SPON1: variants seen among roughly 807,000 people sequenced by gnomAD.
SPON1 encodes the protein spondin 1, also known as spondin-1.
Under a neutral mutation model 111.7 loss-of-function variants are expected in SPON1, and 52 were observed. The observed-to-expected ratio is 0.47, with a 90% CI of 0.37 to 0.59. SPON1 has a LOEUF of 0.59. SPON1 is among the 20% of genes least tolerant of loss of function. SPON1 has a pLI of 0.00. For missense variants in SPON1, 957 were observed against 1,068.5 expected (o/e 0.90, Z 1.46); for synonymous variants, 410 against 395.8 (o/e 1.04, Z -0.43).
At chr11:14,261,806 T>G (rs1849186577) in intron 14 of SPON1, among the ~76,000 whole-genome samples, 1 of 151,974 alleles carries the variant, frequency 6.6e-6, no homozygotes, top group Admixed American at 6.6e-5. Flanking sequence ...ATGGAGCACT[T>G]ACAGGGCTGG....
chr11:14,264,585 A>C (rs1849240881), intron 15 of SPON1, among the ~76,000 whole-genome samples: 1 of 152,210 alleles, frequency 6.6e-6, no homozygotes. Context: ...TTTGCATATC[A>C]AAGTGCTGTC....
intron 3 of SPON1, among the ~76,000 whole-genome samples, chr11:14,048,023 T>G (rs531562233): frequency 6.6e-6 from 1 of 152,276 alleles, no homozygotes; most frequent in East Asian, 1.9e-4. Context: ...GCAGATCACC[T>G]GAGGTCAGGA....
intron 6 of SPON1, among the ~76,000 whole-genome samples, chr11:14,210,990 G>A (rs995041923): frequency 1.3e-5 from 2 of 152,282 alleles, no homozygotes; most frequent in South Asian, 4.1e-4. Context: ...GTACCATGCT[G>A]TTTTGGTTAC....
At chr11:14,094,681 T>C (rs1554923712) in intron 5 of SPON1, among the ~76,000 whole-genome samples, 4 of 151,992 alleles carry the variant, frequency 2.6e-5, no homozygotes, top group African/African-American at 7.3e-5. Context: ...ATAAATAGTG[T>C]GGAATGAATG....
intron 1 of SPON1, among the ~76,000 whole-genome samples, chr11:13,971,508 G>A (rs1434798557): frequency 6.6e-6 from 1 of 152,124 alleles, no homozygotes; most frequent in Non-Finnish European, 1.5e-5. Context: ...TATGCCTTTG[G>A]AGAGTGTAAA....
chr11:14,027,289 G>A (rs1554915468), intron 2 of SPON1, among the ~76,000 whole-genome samples: 1 of 152,200 alleles, frequency 6.6e-6, no homozygotes, highest in Non-Finnish European at 1.5e-5. Flanking sequence ...AAGCCCTCTT[G>A]GGGCACACGG....
intron 3 of SPON1, among the ~76,000 whole-genome samples, chr11:14,050,206 A>G (rs1048533095): frequency 1.1e-4 from 16 of 152,360 alleles, no homozygotes; most frequent in Middle Eastern, 3.4e-3. Flanking sequence ...CTAACTCTGT[A>G]TATTTCTAGC....
At chr11:14,168,378 T>A (rs1848055948) in intron 6 of SPON1, among the ~76,000 whole-genome samples, 3 of 152,232 alleles carry the variant, frequency 2.0e-5, no homozygotes, top group Admixed American at 2.0e-4. Context: ...TTCTTTTTTC[T>A]GACAAAATGT....
intron 6 of SPON1, among the ~76,000 whole-genome samples, chr11:14,140,242 G>C (rs6486171): frequency 0.84 from 128,102 of 152,196 alleles, 54,111 homozygotes; most frequent in African/African-American, 0.91. Context: ...CTACTTTTAT[G>C]TCTTCAATAA....
chr11:14,259,298 T>A lies in SPON1; in HGVS notation c.1511T>A (p.Met504Lys), dbSNP rs782811109. ...GTTGCAGACGGCTCCACCTGCACCA[T>A]GTCCGAGTGGATCACCTGGTCGCCC... is the stretch of plus-strand genomic sequence containing the variant. ...CSDEDGSTCT[M>K]SEWITWSPCS... Residue 504 changes from methionine to lysine, a missense_variant, in exon 12 of 16, where the codon ATG (methionine) becomes AAG (lysine). Transcript: ENST00000576479. The surrounding 1 kb of genome is among the most constrained non-coding windows in gnomAD (Gnocchi z 5.0). The A allele has an allele frequency of 6.2e-7, 1 of 1,612,572 alleles. No individual in the cohort carries two copies. Among genetic ancestry groups the A allele is most frequent in the Admixed American group, 1.7e-5 (1 of 59,898 alleles).
At chr11:14,151,414 G>C (rs1384117945) in intron 6 of SPON1, among the ~76,000 whole-genome samples, 1 of 152,202 alleles carries the variant, frequency 6.6e-6, no homozygotes, top group Non-Finnish European at 1.5e-5. Context: ...GAGATTACAA[G>C]TAGACCTAAA....
chr11:14,123,712 T>C (rs1258777979), intron 5 of SPON1, among the ~76,000 whole-genome samples: 2 of 152,214 alleles, frequency 1.3e-5, no homozygotes, highest in Non-Finnish European at 2.9e-5. Context: ...TTCTAGCCCA[T>C]AAATCCTATC....
At chr11:14,234,644 C>A (rs1003955299) in intron 6 of SPON1, among the ~76,000 whole-genome samples, 6 of 152,220 alleles carry the variant, frequency 3.9e-5, no homozygotes, top group Non-Finnish European at 4.4e-5. Flanking sequence ...CCACCGGAGG[C>A]AGCCCTTGGG....
At chr11:14,147,123 G>A (rs565932164) in intron 6 of SPON1, among the ~76,000 whole-genome samples, 16 of 135,128 alleles carry the variant, frequency 1.2e-4, no homozygotes, top group African/African-American at 2.4e-4. Flanking sequence ...TCCACCTCCC[G>A]GGTTCAAGCA....
intron 7 of SPON1, among the ~76,000 whole-genome samples, chr11:14,251,270 C>G (rs1389968239): frequency 6.6e-6 from 1 of 152,156 alleles, no homozygotes; most frequent in African/African-American, 2.4e-5. Flanking sequence ...ACTCTATCAC[C>G]CAAGATAAGT....
intron 5 of SPON1, among the ~76,000 whole-genome samples, chr11:14,090,535 C>T (rs1003347881): frequency 2.0e-5 from 3 of 152,070 alleles, no homozygotes; most frequent in African/African-American, 7.2e-5. Context: ...TTCGTGGTCT[C>T]ATTGGCTCAG....
At chr11:13,978,225 A>G (rs1400313074) in intron 1 of SPON1, among the ~76,000 whole-genome samples, 1 of 152,090 alleles carries the variant, frequency 6.6e-6, no homozygotes, top group Non-Finnish European at 1.5e-5. Context: ...ATTGTCTTGG[A>G]CAATCTTGGC....
intron 2 of SPON1, among the ~76,000 whole-genome samples, chr11:13,994,952 TATAAA>T (rs1365115324): frequency 1.3e-5 from 2 of 152,240 alleles, no homozygotes; most frequent in Non-Finnish European, 2.9e-5. Flanking sequence ...AATATTGAAA[TATAAA>T]ATATACAGTG....
chr11:14,191,745 C>T (rs890378212), intron 6 of SPON1, among the ~76,000 whole-genome samples: 3 of 152,198 alleles, frequency 2.0e-5, no homozygotes, highest in Non-Finnish European at 4.4e-5. Flanking sequence ...TGACTTGAAA[C>T]AGCTGGAAAT....
Sources: allele counts gnomAD v4.1 joint callset (sites outside exome capture counted in the v4.1 genomes callset), GRCh38; gene constraint gnomAD v4.1.1; non-coding constraint Gnocchi (gnomAD v3.1); transcripts MANE v1.5; gene names NCBI Gene and HGNC (gene_info 2026-07-23, HGNC 2026-07-21).